Variants in PRELID2 observed in about 807,000 individuals in gnomAD.
The protein encoded by PRELID2 is PRELI domain-containing protein 2.
A neutral mutation model predicts 28.4 loss-of-function variants in PRELID2; 25 were observed. The observed-to-expected ratio is 0.88, with a 90% CI of 0.64 to 1.23. PRELID2 has a LOEUF of 1.23. Ranked by LOEUF, PRELID2 falls within the 50% of genes most tolerant of loss-of-function variation. PRELID2 has a pLI of 0.00. For synonymous variants in PRELID2, 76 were observed against 71.6 expected, an observed-to-expected ratio of 1.06 and a Z score of -0.31; for missense variants, 201 against 214.4, an observed-to-expected ratio of 0.94 and a Z score of 0.39.
At chr5:145,770,721 C>CA (rs1322971839) in intron 5 of PRELID2, among the ~76,000 whole-genome samples, 1 of 151,614 alleles carries the variant, frequency 6.6e-6, no homozygotes, top group South Asian at 2.1e-4. Context: ...TTGCTTTTAA[C>CA]AAAAAAGTTC....
At chr5:145,432,313 C>T in the PRELID2 span, among the ~76,000 whole-genome samples, 1 of 151,636 alleles carries the variant, frequency 6.6e-6, no homozygotes. Context: ...TTTGTAACCA[C>T]CCTTGAAGAA....
At chr5:145,229,469 A>G in the PRELID2 span, 5,009 of 950,562 alleles carry the variant, frequency 5.3e-3, 89 homozygotes, top group Middle Eastern at 0.046. Context: ...CAAAGCCCCC[A>G]ACACCCCTGA....
chr5:145,820,978 C>G (rs140765916), intron 2 of PRELID2, among the ~76,000 whole-genome samples: 1 of 152,226 alleles, frequency 6.6e-6, no homozygotes, highest in East Asian at 1.9e-4. Context: ...CGGGGTCTTA[C>G]ATCACTTCTC....
the PRELID2 span, among the ~76,000 whole-genome samples, chr5:145,423,138 A>G: frequency 6.6e-6 from 1 of 151,876 alleles, no homozygotes; most frequent in African/African-American, 2.4e-5. Context: ...TGTGAGGGTA[A>G]CCCAACCTTT....
chr5:145,364,469 T>A, the PRELID2 span, among the ~76,000 whole-genome samples: 1 of 151,996 alleles, frequency 6.6e-6, no homozygotes, highest in African/African-American at 2.4e-5. Flanking sequence ...GTCCTGTTCC[T>A]CCATTAGAAT....
chr5:145,736,261 C>A (rs1352386246), intron 1 of PRELID2, among the ~76,000 whole-genome samples: 2 of 152,088 alleles, frequency 1.3e-5, no homozygotes, highest in Non-Finnish European at 2.9e-5. Context: ...AAATCACAAG[C>A]CTTTGGTCTT....
the PRELID2 span, among the ~76,000 whole-genome samples, chr5:145,245,520 A>T: frequency 3.9e-5 from 6 of 152,014 alleles, no homozygotes; most frequent in Non-Finnish European, 8.8e-5. Flanking sequence ...TGCTCCTCTG[A>T]AGTCCAAAGC....
At chr5:145,241,955 A>T in the PRELID2 span, among the ~76,000 whole-genome samples, 3 of 152,084 alleles carry the variant, frequency 2.0e-5, no homozygotes, top group East Asian at 5.8e-4. Flanking sequence ...TAAAAAAAAA[A>T]GTTCCCCATA....
At chr5:145,295,789 T>A in the PRELID2 span, among the ~76,000 whole-genome samples, 2 of 152,160 alleles carry the variant, frequency 1.3e-5, no homozygotes, top group Non-Finnish European at 2.9e-5. Context: ...CTTATCTACA[T>A]GTATTTATTA....
chr5:145,666,683 G>A (rs570514428), intron 1 of PRELID2, among the ~76,000 whole-genome samples: 1 of 152,098 alleles, frequency 6.6e-6, no homozygotes, highest in South Asian at 2.1e-4. Flanking sequence ...TTAAGAACAT[G>A]GTTATTAATT....
the PRELID2 span, among the ~76,000 whole-genome samples, chr5:145,331,189 T>TGA: frequency 6.5e-4 from 99 of 152,322 alleles, no homozygotes; most frequent in Non-Finnish European, 1.1e-3. Flanking sequence ...GTGTTTTACT[T>TGA]CCAATTATAT....
the PRELID2 span, among the ~76,000 whole-genome samples, chr5:145,413,717 C>A: frequency 4.9e-4 from 75 of 151,814 alleles, no homozygotes; most frequent in Non-Finnish European, 9.9e-4. Context: ...TTCCCTCAGA[C>A]CCTGGTAATC....
intron 4 of PRELID2, among the ~76,000 whole-genome samples, chr5:145,800,952 A>C (rs957621998): frequency 1.3e-5 from 2 of 151,462 alleles, no homozygotes; most frequent in Admixed American, 1.3e-4. Context: ...AGCTTCATTT[A>C]AAAAAAAAGA....
chr5:145,508,646 T>A (rs1303315145), intron 1 of PRELID2, among the ~76,000 whole-genome samples: 1 of 152,208 alleles, frequency 6.6e-6, no homozygotes, highest in Non-Finnish European at 1.5e-5. Context: ...AGGGCACCTA[T>A]CTTCTCCTCT....
the PRELID2 span, among the ~76,000 whole-genome samples, chr5:145,249,310 T>A: frequency 1.3e-5 from 2 of 152,150 alleles, no homozygotes; most frequent in East Asian, 3.9e-4. Flanking sequence ...ATTTTAAACC[T>A]TTTCATTCAT....
the PRELID2 span, chr5:145,441,182 G>A: frequency 2.0e-5 from 3 of 152,008 alleles, no homozygotes; most frequent in African/African-American, 7.2e-5. Flanking sequence ...ATGTGAAGCT[G>A]AGCTGTACTC....
chr5:145,795,915 T>C (rs1034576589), intron 5 of PRELID2: 1 of 152,282 alleles, frequency 6.6e-6, no homozygotes, highest in Non-Finnish European at 1.5e-5. Flanking sequence ...TCTGAATCAC[T>C]TTCATGGAAG....
At chr5:145,533,933 A>G (rs1008935047) in intron 1 of PRELID2, among the ~76,000 whole-genome samples, 5 of 152,060 alleles carry the variant, frequency 3.3e-5, no homozygotes, top group Admixed American at 1.3e-4. Context: ...TGCCTTGTAG[A>G]GGCTGTCAGC....
chr5:145,602,061 G>T (rs1296217957), intron 1 of PRELID2, among the ~76,000 whole-genome samples: 1 of 152,126 alleles, frequency 6.6e-6, no homozygotes, highest in Non-Finnish European at 1.5e-5. Flanking sequence ...CTGGCACTGC[G>T]GACCTGTCAT....
Sources: allele counts gnomAD v4.1 joint callset (sites outside exome capture counted in the v4.1 genomes callset), GRCh38; gene constraint gnomAD v4.1.1; transcripts MANE v1.5; gene names NCBI Gene and HGNC (gene_info 2026-07-23, HGNC 2026-07-21).